EPHA6: variants seen among roughly 807,000 people sequenced by gnomAD.
The protein encoded by EPHA6 is EPH receptor A6, also known as ephrin type-A receptor 6.
EPHA6 carries 50 observed loss-of-function variants against 112.0 expected under a neutral mutation model. The ratio of observed to expected loss-of-function variants is 0.45; its 90% CI spans 0.36 to 0.56. The LOEUF is 0.56. Among genes scored for constraint, EPHA6 ranks in the 20% least tolerant of loss-of-function variants. The pLI, the probability that EPHA6 is intolerant of heterozygous loss-of-function variation, is 0.00. For synonymous variants in EPHA6, 529 were observed against 490.7 expected (o/e 1.08, Z -1.03); for missense variants, 1,280 against 1,417.4 (o/e 0.90, Z 1.56).
At chr3:96,912,130 G>T (rs2039249301) in intron 2 of EPHA6, among the ~76,000 whole-genome samples, 1 of 151,982 alleles carries the variant, frequency 6.6e-6, no homozygotes, top group African/African-American at 2.4e-5. Context: ...TGCCCTTACT[G>T]TCTGTCAGTT....
intron 16 of EPHA6, among the ~76,000 whole-genome samples, chr3:97,738,370 G>C (rs1470453942): frequency 6.6e-6 from 1 of 152,050 alleles, no homozygotes; most frequent in African/African-American, 2.4e-5. Flanking sequence ...TTGTGGTATA[G>C]AGTTAACAGA....
chr3:97,043,168 G>A (rs1032260300), intron 3 of EPHA6, among the ~76,000 whole-genome samples: 11 of 151,884 alleles, frequency 7.2e-5, no homozygotes, highest in South Asian at 2.1e-4. Flanking sequence ...TTGACTCAGC[G>A]GTCTTCCCTT....
At chr3:96,826,935 T>C (rs1365413403) in intron 1 of EPHA6, among the ~76,000 whole-genome samples, 2 of 152,274 alleles carry the variant, frequency 1.3e-5, no homozygotes, top group Middle Eastern at 3.4e-3. Flanking sequence ...AATAGGTCAG[T>C]TGTACAATTA....
chr3:97,630,961 C>T (rs991625153), intron 13 of EPHA6, among the ~76,000 whole-genome samples: 1 of 151,952 alleles, frequency 6.6e-6, no homozygotes, highest in Non-Finnish European at 1.5e-5. Context: ...CCTGGACTGT[C>T]ATCCCATCCT....
chr3:97,527,953 C>G (rs1250431263), intron 10 of EPHA6, among the ~76,000 whole-genome samples: 1 of 152,086 alleles, frequency 6.6e-6, no homozygotes, highest in African/African-American at 2.4e-5. Flanking sequence ...CAGATGCCCT[C>G]AGCTATCACA....
intron 3 of EPHA6, among the ~76,000 whole-genome samples, chr3:97,183,010 T>C (rs550156046): frequency 6.6e-6 from 1 of 152,244 alleles, no homozygotes; most frequent in East Asian, 1.9e-4. Context: ...ACTTTTTTTT[T>C]CTTCTCTTGG....
intron 11 of EPHA6, among the ~76,000 whole-genome samples, chr3:97,564,638 AT>A (rs202108006): frequency 3.3e-5 from 5 of 151,564 alleles, no homozygotes; most frequent in Admixed American, 6.6e-5. Flanking sequence ...GCCATCCAAC[AT>A]TTTTTTTTCC....
chr3:97,262,599 CTT>C (rs770143818), intron 5 of EPHA6, among the ~76,000 whole-genome samples: 6 of 152,152 alleles, frequency 3.9e-5, no homozygotes, highest in Non-Finnish European at 5.9e-5. Context: ...TGCCACAAGA[CTT>C]TTTGTTACTT....
intron 14 of EPHA6, among the ~76,000 whole-genome samples, chr3:97,657,030 G>A (rs2107622058): frequency 6.6e-6 from 1 of 151,938 alleles, no homozygotes; most frequent in African/African-American, 2.4e-5. Context: ...ATGCTTTCTA[G>A]ATTACTCCTG....
intron 3 of EPHA6, among the ~76,000 whole-genome samples, chr3:97,106,208 CATG>C (rs2047562680): frequency 6.6e-6 from 1 of 152,030 alleles, no homozygotes; most frequent in African/African-American, 2.4e-5. Context: ...TTGTCATTGG[CATG>C]ATGCTAACTG....
At chr3:97,297,864 A>G (rs147189417) in intron 5 of EPHA6, among the ~76,000 whole-genome samples, 2,275 of 152,186 alleles carry the variant, frequency 0.015, 56 homozygotes, top group African/African-American at 0.049. Context: ...CCCCAGTTCA[A>G]GTGATTCTCC....
chr3:97,056,249 C>A (rs1437176449), intron 3 of EPHA6, among the ~76,000 whole-genome samples: 1 of 152,138 alleles, frequency 6.6e-6, no homozygotes, highest in Non-Finnish European at 1.5e-5. Flanking sequence ...GTCTGAAAGT[C>A]ACAATTTACA....
At chr3:97,165,548 T>C (rs571460139) in intron 3 of EPHA6, among the ~76,000 whole-genome samples, 12 of 152,144 alleles carry the variant, frequency 7.9e-5, no homozygotes, top group Non-Finnish European at 1.5e-4. Context: ...GAGTGAAAAA[T>C]GTCTGAGCCT....
At position 97,748,639 on chromosome 3, in the gene EPHA6, A is replaced by C. The variant is rs1362461527; in HGVS notation, c.3331A>C (p.Ser1111Arg). 1 of 1,612,772 alleles carries C rather than the reference A, an allele frequency of 6.2e-7. No homozygotes were observed. Among genetic ancestry groups the C allele is most frequent in the Non-Finnish European group, 8.5e-7 (1 of 1,178,986 alleles). The change falls in exon 18 of 18, where the codon AGC becomes CGC. Residue 1111 changes from serine (S) to arginine (R), a missense_variant. Transcript: ENST00000389672. ...ILIGHQRRIVSSIQTLRLHMM... is the reference protein window; with the variant it reads ...ILIGHQRRIVRSIQTLRLHMM... ...TATTGGACACCAGAGACGAATAGTCAGCAGCATACAGACTTTACGTTTACA... is the reference window on the plus strand; with the variant it reads ...TATTGGACACCAGAGACGAATAGTCCGCAGCATACAGACTTTACGTTTACA...
chr3:97,747,681 C>A (rs2035774316), intron 17 of EPHA6, 109 bp downstream of exon 17: 2 of 940,572 alleles, frequency 2.1e-6, no homozygotes, highest in Admixed American at 4.0e-5. Flanking sequence ...ATTTCCAAGT[C>A]TTTGCTCACC....
rs553699634 is a variant in EPHA6, at chr3:97,443,771, C to T, written c.1732-4797C>T. 2.2e-4 allele frequency among the ~76,000 whole-genome samples: 34 copies of T among 152,174 alleles called. 1 individual carries two copies. The South Asian group carries it at 6.0e-3, about 27-fold the overall frequency. ...TTGAGGAACTAGTTGTTCATATAAACATAGTCTAATGATTAGCCAACAAAT... is the reference window on the plus strand; with the variant it reads ...TTGAGGAACTAGTTGTTCATATAAATATAGTCTAATGATTAGCCAACAAAT... On this transcript the variant is annotated intron_variant, in intron 6 of 17. Coordinates refer to ENST00000389672, the MANE Select transcript of EPHA6 (RefSeq NM_001080448.3).
intron 6 of EPHA6, among the ~76,000 whole-genome samples, chr3:97,409,391 T>A (rs182875000): frequency 3.3e-5 from 5 of 152,208 alleles, no homozygotes; most frequent in Admixed American, 2.0e-4. Flanking sequence ...TAACAACATA[T>A]GTTTGAGGAA....
intron 8 of EPHA6, among the ~76,000 whole-genome samples, chr3:97,476,370 A>C (rs2091369188): frequency 1.3e-5 from 2 of 152,080 alleles, no homozygotes; most frequent in African/African-American, 4.8e-5. Context: ...AAACTGCAAA[A>C]AGAATGTCAG....
chr3:97,307,351 G>A (rs538627180), intron 5 of EPHA6, among the ~76,000 whole-genome samples: 20 of 151,866 alleles, frequency 1.3e-4, no homozygotes, highest in Admixed American at 1.1e-3. Context: ...TAAGTGGCCT[G>A]TAAAACACTG....
Sources: gnomAD v4.1 joint callset for allele counts (sites outside exome capture counted in the v4.1 genomes callset) on GRCh38, gnomAD v4.1.1 for gene constraint, MANE v1.5 for transcripts, NCBI Gene and HGNC (gene_info 2026-07-23, HGNC 2026-07-21) for gene names.